Variants in UVSSA observed in about 807,000 individuals in gnomAD.
UVSSA encodes UV stimulated scaffold protein A.
Under a neutral mutation model 73.9 loss-of-function variants are expected in UVSSA, and 72 were observed. That is an observed-to-expected ratio of 0.97 (90% CI 0.81 to 1.19). The LOEUF (loss-of-function observed/expected upper bound fraction) is 1.19. Ranked by LOEUF, UVSSA falls within the 50% of genes most tolerant of loss-of-function variation. The probability of loss-of-function intolerance (pLI) is 0.00; values close to 1 mark genes in which losing one functional copy is unlikely to be tolerated. For missense variants in UVSSA, 1,150 were observed against 965.0 expected, an observed-to-expected ratio of 1.19 and a Z score of -2.54; for synonymous variants, 454 against 391.3, an observed-to-expected ratio of 1.16 and a Z score of -1.89.
chr4:1,394,217 TG>T, exon 14 of UVSSA: 1 of 563,744 alleles, frequency 1.8e-6, no homozygotes, highest in Non-Finnish European at 3.1e-6. Flanking sequence ...TCCAGGAGTG[TG>T]GCAGAGCTTC....
Position 1,372,769 on chromosome 4 carries a change from TCAGG to T in UVSSA, c.1289-2594_1289-2591del, listed in dbSNP as rs1560468939. Reference sequence around the variant, plus strand: ...CGTCCCTGCACTCACCTCCCGCGTCTCAGGGCACTCACCTCCCGCGTCCCTGCAC... The same window carrying T: ...CGTCCCTGCACTCACCTCCCGCGTCTGCACTCACCTCCCGCGTCCCTGCAC... On this transcript the variant is annotated intron_variant, in intron 8 of 13. Transcript: ENST00000389851. 5.3e-3 allele frequency among the ~76,000 whole-genome samples: 254 copies of T among 47,792 alleles called. 20 individuals are homozygous for T. Among genetic ancestry groups the T allele is most frequent in the African/African-American group, 0.02 (152 of 7,536 alleles). The allele number at this position is 47,792 out of a possible 152,430, so 31.4% of individuals were successfully genotyped here.
chr4:1,348,189 A>G lies in UVSSA; in HGVS notation c.98A>G (p.Lys33Arg), dbSNP rs1439377945. The G allele has an allele frequency of 6.2e-7, 1 of 1,611,296 alleles. No homozygotes were observed. Among genetic ancestry groups the G allele is most frequent in the Non-Finnish European group, 8.5e-7 (1 of 1,177,964 alleles). The change falls in exon 2 of 14, where the codon AAG (lysine) becomes AGG (arginine). Residue 33 changes from lysine to arginine, a missense_variant and splice_region_variant. Transcript: ENST00000389851. ...EKMKELKKIC[K>R]SSEEQLSRAY... ...ATGAAGGAACTGAAGAAAATTTGCA[A>G]GTATGTCTTAGGGTTCAGTAACAGT...
intron 12 of UVSSA, among the ~76,000 whole-genome samples, chr4:1,382,151 G>T (rs1719583891): frequency 6.6e-6 from 1 of 152,368 alleles, no homozygotes; most frequent in South Asian, 2.1e-4. Context: ...CCCAGAGGCA[G>T]CAGCTCAGCC....
intron 8 of UVSSA, among the ~76,000 whole-genome samples, chr4:1,370,057 G>A (rs1243793843): frequency 6.6e-6 from 1 of 152,242 alleles, no homozygotes. Flanking sequence ...GCGCAAGTGG[G>A]AGTGTGTTTA....
intron 9 of UVSSA, among the ~76,000 whole-genome samples, chr4:1,375,736 C>T (rs1718685965): frequency 6.6e-6 from 1 of 152,250 alleles, no homozygotes. Context: ...AATACCCTTC[C>T]AGACACTGCC....
chr4:1,394,637 G>A lies in UVSSA; in HGVS notation c.*8676G>A, dbSNP rs150278472. The A allele has an allele frequency of 9.0e-4, 1,340 of 1,494,018 alleles. 5 individuals are homozygous for A. The highest frequency in any genetic ancestry group is 1.7e-3 in the Admixed American group (87 of 51,790). 92.5% of individuals were successfully genotyped at this position (1,494,018 alleles called of 1,614,324 possible). A position where few individuals can be genotyped will look rare whatever the true frequency, so the allele number is the denominator to read the frequency against. ...CTGCTCACACATGTCGATGCGGAGT[G>A]CCCGCCTGCTCACACATGCCCATGT... On this transcript the variant is annotated 3_prime_UTR_variant, in exon 14 of 14. Coordinates refer to the UVSSA transcript ENST00000511216.
intron 8 of UVSSA, among the ~76,000 whole-genome samples, chr4:1,374,404 C>T (rs1475754598): frequency 1.3e-5 from 2 of 152,240 alleles, no homozygotes; most frequent in African/African-American, 4.8e-5. Context: ...GGGGTGAGCC[C>T]CACGGAGCAG....
At position 1,353,247 on chromosome 4, in the gene UVSSA, C is replaced by G; in HGVS notation, c.768C>G (p.Asp256Glu). The G allele has an allele frequency of 1.2e-6, 2 of 1,611,740 alleles. No individual in the cohort carries two copies. The highest frequency in any genetic ancestry group is 1.7e-6 in the Non-Finnish European group (2 of 1,179,826). The change falls in exon 5 of 14, where the codon GAC (aspartate) becomes GAG (glutamate). Residue 256 changes from aspartate (D) to glutamate (E), a missense_variant. Asp to Glu is a conservative substitution (Grantham distance 45, BLOSUM62 2). Coordinates refer to ENST00000389851, the MANE Select transcript of UVSSA (RefSeq NM_020894.4). ...GGGAGCAGCCCTGCTGCAGTAGAGA[C>G]CTGCCTGCCTCTGCAGGCCACCCCA... ...RDGEQPCCSR[D>E]LPASAGHPRA...
intron 7 of UVSSA, among the ~76,000 whole-genome samples, chr4:1,355,961 C>T (rs945116652): frequency 2.6e-5 from 4 of 152,138 alleles, no homozygotes; most frequent in Non-Finnish European, 4.4e-5. Flanking sequence ...GCCTCGGTGC[C>T]TGGAGGGGCC....
intron 8 of UVSSA, among the ~76,000 whole-genome samples, chr4:1,373,199 T>C (rs1718350813): frequency 6.6e-6 from 1 of 152,252 alleles, no homozygotes; most frequent in Non-Finnish European, 1.5e-5. Context: ...AAGTATCAGC[T>C]AATTTATATG....
At chr4:1,395,359 A>C in exon 14 of UVSSA, 1 of 1,512,512 alleles carries the variant, frequency 6.6e-7, no homozygotes, top group Non-Finnish European at 8.8e-7. Context: ...GCCTGCTCAC[A>C]TGTGCCGATG....
chr4:1,365,782 C>G (rs1313615676), intron 7 of UVSSA, among the ~76,000 whole-genome samples: 2 of 152,156 alleles, frequency 1.3e-5, no homozygotes, highest in Non-Finnish European at 2.9e-5. Flanking sequence ...ACCTGCTCCA[C>G]CTGGTGGGAA....
upstream of UVSSA, among the ~76,000 whole-genome samples, chr4:1,342,372 T>C (rs1713463124): frequency 6.6e-6 from 1 of 152,242 alleles, no homozygotes; most frequent in South Asian, 2.1e-4. Flanking sequence ...GATTGTAATT[T>C]ACATATTTGT....
chr4:1,365,289 G>A (rs558639782), intron 7 of UVSSA, among the ~76,000 whole-genome samples: 5 of 152,362 alleles, frequency 3.3e-5, no homozygotes, highest in Admixed American at 6.5e-5. Context: ...TAGCAACAGA[G>A]CAGGCCTGCC....
chr4:1,342,249 A>G (rs1713458470), upstream of UVSSA, among the ~76,000 whole-genome samples: 1 of 152,182 alleles, frequency 6.6e-6, no homozygotes, highest in Admixed American at 6.5e-5. Flanking sequence ...GTGGCCCCAC[A>G]TTGTTGTCAA....
At chr4:1,366,501 G>A (rs1021622515) in intron 8 of UVSSA, 70 bp downstream of exon 8, 2 of 1,205,738 alleles carry the variant, frequency 1.7e-6, no homozygotes, top group African/African-American at 3.0e-5. Context: ...GCCCCTTGGG[G>A]TCATGACCTC....
intron 7 of UVSSA, among the ~76,000 whole-genome samples, chr4:1,363,665 G>T (rs1716945259): frequency 1.3e-5 from 2 of 152,154 alleles, no homozygotes; most frequent in Admixed American, 6.5e-5. Flanking sequence ...GGCAGATTCT[G>T]TACAGAAATA....
intron 9 of UVSSA, 145 bp from the exon 10 acceptor site, chr4:1,375,889 G>A (rs1435648147): frequency 3.9e-5 from 51 of 1,313,644 alleles, no homozygotes; most frequent in Non-Finnish European, 4.9e-5. Context: ...CGGTGGCCCT[G>A]AGGCCCAGGC....
In UVSSA at chr4:1,348,143, C is replaced by T. The variant is rs1316755318; in HGVS notation, c.52C>T (p.Pro18Ser). Residue 18 changes from proline to serine, a missense_variant, in exon 2 of 14, where the codon CCC becomes TCC. By Grantham distance (74) the Pro-to-Ser change is moderately conservative (BLOSUM62 -1). Coordinates refer to ENST00000389851, the MANE Select transcript of UVSSA (RefSeq NM_020894.4). ...LVEELTTSGE[P>S]RLNPEKMKEL... is the part of the protein sequence containing the mutation. ...AGAAGAGCTCACAACTTCAGGAGAA[C>T]CCCGACTAAATCCTGAGAAAATGAA... The T allele has an allele frequency of 2.5e-6, 4 of 1,613,732 alleles. No homozygotes were observed. The highest frequency in any genetic ancestry group is 2.2e-5 in the South Asian group (2 of 91,080).
Sources: allele counts gnomAD v4.1 joint callset (sites outside exome capture counted in the v4.1 genomes callset), GRCh38; gene constraint gnomAD v4.1.1; transcripts MANE v1.5; gene names NCBI Gene and HGNC (gene_info 2026-07-23, HGNC 2026-07-21).